The following PLPP4 variants were observed in gnomAD, a reference collection of about 807,000 sequenced individuals.
PLPP4 encodes the protein phospholipid phosphatase 4.
In PLPP4, 20 loss-of-function variants were observed where a neutral mutation model predicts 32.2. The observed-to-expected ratio is 0.62, with a 90% CI of 0.44 to 0.90. PLPP4 has a LOEUF of 0.90. PLPP4 is among the 40% of genes least tolerant of loss of function. The probability of loss-of-function intolerance (pLI) is 0.00; values close to 1 mark genes in which losing one functional copy is unlikely to be tolerated. For synonymous variants in PLPP4, 127 were observed against 133.0 expected (o/e 0.95, Z 0.31); for missense variants, 257 against 353.1 (o/e 0.73, Z 2.18).
intron 6 of PLPP4, among the ~76,000 whole-genome samples, chr10:120,585,055 C>T (rs762994969): frequency 2.6e-5 from 4 of 152,200 alleles, no homozygotes; most frequent in Admixed American, 6.5e-5. Flanking sequence ...AGGTTTTGCT[C>T]TTTGGTCTGT....
At chr10:120,581,056 C>G in intron 6 of PLPP4, 1 of 1,284,654 alleles carries the variant, frequency 7.8e-7, no homozygotes, top group African/African-American at 1.5e-5. Flanking sequence ...CCTGGCTCAC[C>G]CCTCCCTCCG....
intron 5 of PLPP4, among the ~76,000 whole-genome samples, chr10:120,524,498 G>A (rs565314698): frequency 7.9e-5 from 12 of 152,310 alleles, no homozygotes; most frequent in Non-Finnish European, 1.5e-4. Flanking sequence ...ATAATTGGCG[G>A]CTGGAATGAA....
chr10:120,514,173 G>A (rs564181432), intron 3 of PLPP4, among the ~76,000 whole-genome samples, 172 bp downstream of exon 3: 1 of 152,270 alleles, frequency 6.6e-6, no homozygotes, highest in South Asian at 2.1e-4. Context: ...GCCAACGTGC[G>A]GTCCTAAATG....
chr10:120,505,064 G>C (rs1175725795), intron 2 of PLPP4, among the ~76,000 whole-genome samples: 2 of 152,244 alleles, frequency 1.3e-5, no homozygotes, highest in Admixed American at 1.3e-4. Flanking sequence ...TTTTTGCGGA[G>C]AGCTTAAGAA....
rs1162126022 is a variant in PLPP4, at chr10:120,469,256, C to G, written c.56+11895C>G. Among the ~76,000 whole-genome samples, 5 of 92,088 alleles carry G rather than the reference C, an allele frequency of 5.4e-5. 1 individual carries two copies. The highest frequency in any genetic ancestry group is 1.6e-4 in the African/African-American group (5 of 30,812). 60.4% of individuals were successfully genotyped at this position (92,088 alleles called of 152,430 possible). On this transcript the variant is annotated intron_variant, in intron 1 of 6. Transcript: ENST00000398250. ...TTTTTTTTTTTTTTTGAGACAGAGT[C>G]TTGCTCTGTCACCCAGGCTGGAGTG...
chr10:120,570,014 G>A (rs1411054893), intron 5 of PLPP4, among the ~76,000 whole-genome samples: 2 of 152,186 alleles, frequency 1.3e-5, no homozygotes, highest in African/African-American at 4.8e-5. Context: ...TAAATGATTT[G>A]TACTTTCTGA....
At chr10:120,514,611 T>C (rs1178499457) in intron 3 of PLPP4, among the ~76,000 whole-genome samples, 1 of 152,214 alleles carries the variant, frequency 6.6e-6, no homozygotes, top group Non-Finnish European at 1.5e-5. Flanking sequence ...CATGTCTGCA[T>C]GGGACAAGAG....
At chr10:120,482,603 A>AT (rs1844257435) in intron 1 of PLPP4, among the ~76,000 whole-genome samples, 4 of 152,134 alleles carry the variant, frequency 2.6e-5, no homozygotes, top group Admixed American at 2.0e-4. Context: ...TGACAATGCA[A>AT]TTGAAAAGAA....
chr10:120,563,832 A>T (rs1589889537), intron 5 of PLPP4, among the ~76,000 whole-genome samples: 1 of 143,962 alleles, frequency 6.9e-6, no homozygotes, highest in East Asian at 1.9e-4. Flanking sequence ...AAAAAAAAAA[A>T]AAAAATCTTG....
intron 5 of PLPP4, among the ~76,000 whole-genome samples, chr10:120,534,782 C>A (rs1846928846): frequency 6.6e-6 from 1 of 152,048 alleles, no homozygotes. Flanking sequence ...TCCAGACTTT[C>A]TATTTGGTTC....
intron 1 of PLPP4, among the ~76,000 whole-genome samples, chr10:120,463,791 C>G (rs1298320915): frequency 2.0e-5 from 3 of 151,456 alleles, no homozygotes; most frequent in Non-Finnish European, 4.4e-5. Flanking sequence ...TCCTTGGGCC[C>G]TGCTCTTACA....
chr10:120,513,804 T>G, intron 2 of PLPP4, 107 bp from the exon 3 acceptor site: 1 of 861,458 alleles, frequency 1.2e-6, no homozygotes, highest in East Asian at 2.4e-5. Flanking sequence ...TTCAGTAAGA[T>G]TATTCAACCA....
At chr10:120,521,790 G>GA (rs1467461179) in intron 5 of PLPP4, among the ~76,000 whole-genome samples, 1 of 152,210 alleles carries the variant, frequency 6.6e-6, no homozygotes, top group Non-Finnish European at 1.5e-5. Context: ...AAGTGGTGAT[G>GA]ATCGCTCACA....
intron 5 of PLPP4, among the ~76,000 whole-genome samples, chr10:120,526,110 A>G (rs4752429): frequency 0.42 from 64,138 of 151,758 alleles, 14,678 homozygotes; most frequent in East Asian, 0.58. Context: ...GGGAGACTTT[A>G]AAATTTTTAT....
At chr10:120,568,800 A>G (rs987459941) in intron 5 of PLPP4, among the ~76,000 whole-genome samples, 1 of 152,226 alleles carries the variant, frequency 6.6e-6, no homozygotes, top group African/African-American at 2.4e-5. Flanking sequence ...TAAGATGCTC[A>G]GATATGCAAA....
chr10:120,503,937 T>C lies in PLPP4; in HGVS notation c.165+11T>C, dbSNP rs761500257. ...ACCCGCCTCATGTTTGTAAGTACCA[T>C]GATTTCATTCCTTATTTGACTGCTC... is the stretch of plus-strand genomic sequence containing the variant. On this transcript the variant is annotated intron_variant, in intron 2 of 6. Coordinates refer to ENST00000398250, the MANE Select transcript of PLPP4 (RefSeq NM_001030059.3). The C allele has an allele frequency of 3.3e-6, 5 of 1,528,964 alleles. No homozygotes were observed. The South Asian group carries it at 5.6e-5, about 17-fold the overall frequency. 94.7% of individuals were successfully genotyped at this position (1,528,964 alleles called of 1,614,324 possible).
intron 5 of PLPP4, among the ~76,000 whole-genome samples, chr10:120,543,768 C>T (rs570057172): frequency 5.9e-5 from 9 of 152,300 alleles, no homozygotes; most frequent in Admixed American, 5.2e-4. Flanking sequence ...CACTGACTCC[C>T]CATTCCCCTT....
intron 1 of PLPP4, among the ~76,000 whole-genome samples, chr10:120,494,360 G>T (rs535214560): frequency 2.6e-5 from 4 of 152,218 alleles, no homozygotes; most frequent in African/African-American, 9.7e-5. Context: ...GACAAGTCAA[G>T]CACCTTGCCC....
chr10:120,531,873 T>TACACACACACAC (rs145252286), intron 5 of PLPP4, among the ~76,000 whole-genome samples: 1 of 148,150 alleles, frequency 6.7e-6, no homozygotes, highest in African/African-American at 2.5e-5. Flanking sequence ...CTACACACAC[T>TACACACACACAC]ACACACACAC....
Sources: gnomAD v4.1 joint callset for allele counts (sites outside exome capture counted in the v4.1 genomes callset) on GRCh38, gnomAD v4.1.1 for gene constraint, MANE v1.5 for transcripts, NCBI Gene and HGNC (gene_info 2026-07-23, HGNC 2026-07-21) for gene names.